The following RBFOX1 variants were observed in gnomAD, a reference collection of about 807,000 sequenced individuals.
RBFOX1 encodes RNA binding protein fox-1 homolog 1.
In RBFOX1, 8 loss-of-function variants were observed where a neutral mutation model predicts 57.7. That is an observed-to-expected ratio of 0.14 (90% CI 0.08 to 0.25). The LOEUF is 0.25. RBFOX1 is among the 10% of genes least tolerant of loss of function. RBFOX1 has a pLI of 1.00. For missense variants in RBFOX1, 611 were observed against 548.5 expected (o/e 1.11, Z -1.14); for synonymous variants, 326 against 222.4 (o/e 1.47, Z -4.15).
chr16:7,691,608 A>G (rs2077355107), intron 14 of RBFOX1, among the ~76,000 whole-genome samples: 1 of 152,112 alleles, frequency 6.6e-6, no homozygotes, highest in Non-Finnish European at 1.5e-5. Flanking sequence ...AGTTTCTTAG[A>G]GGGCTGTTTC....
At chr16:6,060,543 C>G (rs193297071) in intron 1 of RBFOX1, among the ~76,000 whole-genome samples, 86 of 152,128 alleles carry the variant, frequency 5.7e-4, no homozygotes, top group Non-Finnish European at 9.6e-4. Flanking sequence ...TCGACCTCTA[C>G]GTCAGCAGTT....
At chr16:7,093,741 C>G (rs2061246278) in intron 4 of RBFOX1, among the ~76,000 whole-genome samples, 1 of 152,242 alleles carries the variant, frequency 6.6e-6, no homozygotes, top group South Asian at 2.1e-4. Flanking sequence ...CGCTTGAGCA[C>G]CCAGAAGCTG....
Position 7,347,608 on chromosome 16 carries a change from C to T in RBFOX1, c.28-170539C>T, listed in dbSNP as rs1053475233. On this transcript the variant is annotated intron_variant, in intron 4 of 15. Coordinates refer to ENST00000550418, the MANE Select transcript of RBFOX1 (RefSeq NM_018723.4). Reference sequence around the variant, plus strand: ...GAGCATTATCCAGAATTATCAGTCACGCCGAGATTGAAAAACCCCACTCTA... The same window carrying T: ...GAGCATTATCCAGAATTATCAGTCATGCCGAGATTGAAAAACCCCACTCTA... Among the ~76,000 whole-genome samples, 14 of 152,202 alleles carry T rather than the reference C, an allele frequency of 9.2e-5. No homozygotes were observed. The South Asian group carries it at 1.9e-3, about 20-fold the overall frequency.
rs2095400458 is a variant in RBFOX1 at position 7,274,414 on chromosome 16, TCACACACACAC to T, written c.27+222327_27+222337del. On this transcript the variant is annotated intron_variant, in intron 4 of 15. Coordinates refer to ENST00000550418, the MANE Select transcript of RBFOX1 (RefSeq NM_018723.4). ...GATGAAACTGTAAAGCACACCCCTC[TCACACACACAC>T]CACACACACATACACAACTTTATGC... 2.0e-5 allele frequency among the ~76,000 whole-genome samples: 3 copies of T among 152,174 alleles called. No individual in the cohort carries two copies. The South Asian group carries it at 6.2e-4, about 32-fold the overall frequency.
At chr16:7,631,001 ATAATT>A (rs1250407836) in intron 11 of RBFOX1, among the ~76,000 whole-genome samples, 1 of 152,200 alleles carries the variant, frequency 6.6e-6, no homozygotes, top group East Asian at 1.9e-4. Flanking sequence ...TAATATAAAA[ATAATT>A]TAAATAGCAT....
chr16:6,485,833 C>T (rs1428614008), intron 2 of RBFOX1, among the ~76,000 whole-genome samples: 3 of 152,112 alleles, frequency 2.0e-5, no homozygotes, highest in African/African-American at 7.2e-5. Flanking sequence ...TTCTGTTTTT[C>T]CTATCACTTG....
At chr16:7,278,187 G>A (rs1457860479) in intron 4 of RBFOX1, among the ~76,000 whole-genome samples, 1 of 152,118 alleles carries the variant, frequency 6.6e-6, no homozygotes, top group Non-Finnish European at 1.5e-5. Context: ...GGTTGATATG[G>A]TTATACTTGG....
At chr16:7,270,417 G>C (rs1320197785) in intron 4 of RBFOX1, among the ~76,000 whole-genome samples, 1 of 152,162 alleles carries the variant, frequency 6.6e-6, no homozygotes, top group East Asian at 1.9e-4. Flanking sequence ...ATCTAACAAT[G>C]ATAAAGGAAG....
intron 4 of RBFOX1, among the ~76,000 whole-genome samples, chr16:7,381,483 G>A (rs1390329617): frequency 6.7e-6 from 1 of 149,814 alleles, no homozygotes; most frequent in East Asian, 2.0e-4. Flanking sequence ...ACAAAAATGG[G>A]TTCATACATC....
rs1230885159 is a variant in RBFOX1, at chr16:7,536,449, C to G, written c.270+18060C>G. 1.8e-4 allele frequency among the ~76,000 whole-genome samples: 28 copies of G among 152,230 alleles called. No individual in the cohort carries two copies. In the East Asian group the frequency reaches 5.4e-3, roughly 29 times the overall value. ...TGTCTACTAAAAATACAAAAATTAG[C>G]CAGGTGTGGTGCTGCACACCTGTAA... On this transcript the variant is annotated intron_variant, in intron 5 of 15. Transcript: ENST00000550418.
intron 15 of RBFOX1, chr16:7,709,711 G>A: frequency 4.0e-6 from 4 of 1,004,594 alleles, no homozygotes; most frequent in East Asian, 9.9e-5. Flanking sequence ...TTTGGGGGTT[G>A]CCTTTTGTTT....
intron 2 of RBFOX1, among the ~76,000 whole-genome samples, chr16:6,585,927 TATTA>T (rs1419593746): frequency 6.6e-6 from 1 of 152,222 alleles, no homozygotes; most frequent in Non-Finnish European, 1.5e-5. Flanking sequence ...ATTATTTCTG[TATTA>T]ATTAAAGTGT....
chr16:6,365,773 C>T (rs886192781), intron 2 of RBFOX1, among the ~76,000 whole-genome samples: 6 of 152,286 alleles, frequency 3.9e-5, no homozygotes, highest in Non-Finnish European at 8.8e-5. Context: ...AGATGGTTAA[C>T]CTCAGTATCC....
chr16:7,082,568 A>G (rs1031396219), intron 4 of RBFOX1, among the ~76,000 whole-genome samples: 1 of 152,098 alleles, frequency 6.6e-6, no homozygotes, highest in East Asian at 1.9e-4. Context: ...TCTCAAAAAA[A>G]AAAAAATAAA....
intron 5 of RBFOX1, among the ~76,000 whole-genome samples, chr16:7,566,871 G>A (rs2091808942): frequency 6.6e-6 from 1 of 151,882 alleles, no homozygotes. Context: ...GCAAAATTTA[G>A]GTGTATGTGT....
Position 6,301,322 on chromosome 16 carries a change from T to C in RBFOX1, c.-126-15673T>C, listed in dbSNP as rs548856236. 2.0e-5 allele frequency among the ~76,000 whole-genome samples: 3 copies of C among 152,186 alleles called. No individual in the cohort carries two copies. The East Asian group carries it at 5.8e-4, about 29-fold the overall frequency. Reference sequence around the variant, plus strand: ...ACTATGGCTAGAAATTAAGTGGGCTTTTGTTTGTTTGTTTGTTTGTTTTTC... The same window carrying C: ...ACTATGGCTAGAAATTAAGTGGGCTCTTGTTTGTTTGTTTGTTTGTTTTTC... On this transcript the variant is annotated intron_variant, in intron 1 of 15. Transcript: ENST00000550418.
At chr16:6,029,945 C>G (rs1282581999) in intron 1 of RBFOX1, among the ~76,000 whole-genome samples, 1 of 152,090 alleles carries the variant, frequency 6.6e-6, no homozygotes, top group Non-Finnish European at 1.5e-5. Flanking sequence ...CAGAGAGTCT[C>G]ATTTGTTGCC....
chr16:6,960,595 C>T (rs996700377), intron 3 of RBFOX1, among the ~76,000 whole-genome samples: 6 of 152,072 alleles, frequency 3.9e-5, no homozygotes, highest in African/African-American at 7.2e-5. Flanking sequence ...CCAAACTCTG[C>T]AGAGGAGGCC....
chr16:6,038,838 C>G (rs2095404019), intron 1 of RBFOX1: 1 of 148,900 alleles, frequency 6.7e-6, no homozygotes, highest in African/African-American at 2.5e-5. Context: ...AGGCCACACC[C>G]AGCAATCCTA....
Sources: gnomAD v4.1 joint callset for allele counts (sites outside exome capture counted in the v4.1 genomes callset) on GRCh38, gnomAD v4.1.1 for gene constraint, MANE v1.5 for transcripts, NCBI Gene and HGNC (gene_info 2026-07-23, HGNC 2026-07-21) for gene names.